FGF14: variants seen among roughly 807,000 people sequenced by gnomAD.
The protein encoded by FGF14 is fibroblast growth factor 14.
In FGF14, 5 loss-of-function variants were observed where a neutral mutation model predicts 25.5. The ratio of observed to expected loss-of-function variants is 0.20; its 90% CI spans 0.10 to 0.41. The LOEUF is 0.41. Ranked by LOEUF, FGF14 falls within the 10% of genes least tolerant of loss-of-function variation. The pLI, the probability that FGF14 is intolerant of heterozygous loss-of-function variation, is 1.00. For synonymous variants in FGF14, 138 were observed against 118.3 expected (o/e 1.17, Z -1.08); for missense variants, 222 against 320.1 (o/e 0.69, Z 2.34).
At chr13:102,148,181 TTA>T (rs1180670921) in intron 1 of FGF14, among the ~76,000 whole-genome samples, 1 of 151,478 alleles carries the variant, frequency 6.6e-6, no homozygotes, top group Non-Finnish European at 1.5e-5. Flanking sequence ...CTCTAAAATC[TTA>T]TCTTATATTT....
chr13:102,154,643 C>A (rs2047240413), intron 1 of FGF14, among the ~76,000 whole-genome samples: 1 of 152,072 alleles, frequency 6.6e-6, no homozygotes, highest in Non-Finnish European at 1.5e-5. Context: ...ATCATAATGA[C>A]AGGATCAAAT....
rs373348297 is a variant in FGF14 at position 101,938,065 on chromosome 13, G to A, written c.209-62769C>T. Among the ~76,000 whole-genome samples, 13 of 152,194 alleles carry A rather than the reference G, an allele frequency of 8.5e-5. No homozygotes were observed. The East Asian group carries it at 1.5e-3, about 18-fold the overall frequency. ...ATAGACAAGCAATGGCTTTATACTGGCTTCCAGACAGGGCACCACAGAGGC... is the reference window on the plus strand; with the variant it reads ...ATAGACAAGCAATGGCTTTATACTGACTTCCAGACAGGGCACCACAGAGGC... On this transcript the variant is annotated intron_variant, in intron 1 of 4. Transcript: ENST00000376131.
intron 3 of FGF14, among the ~76,000 whole-genome samples, chr13:101,780,122 A>C (rs978083138): frequency 2.0e-5 from 3 of 152,208 alleles, no homozygotes; most frequent in African/African-American, 7.2e-5. Context: ...GAAAGGATAC[A>C]CTGGTGGTGG....
intron 1 of FGF14, among the ~76,000 whole-genome samples, chr13:102,315,379 T>C (rs2055972439): frequency 6.6e-6 from 1 of 152,048 alleles, no homozygotes; most frequent in Non-Finnish European, 1.5e-5. Context: ...AAGCCCTACC[T>C]CAAGTTCAAA....
At chr13:102,233,762 G>A (rs866335446) in intron 1 of FGF14, among the ~76,000 whole-genome samples, 7 of 152,070 alleles carry the variant, frequency 4.6e-5, no homozygotes, top group African/African-American at 1.7e-4. Context: ...TACTCTTGTC[G>A]ACACACAACC....
At chr13:102,326,933 C>A (rs756539473) in intron 1 of FGF14, among the ~76,000 whole-genome samples, 5 of 152,130 alleles carry the variant, frequency 3.3e-5, no homozygotes, top group Admixed American at 1.3e-4. Flanking sequence ...TTATTCCCCA[C>A]GGAAACTGAA....
chr13:102,372,860 T>A (rs905314106), intron 1 of FGF14, among the ~76,000 whole-genome samples: 1 of 152,184 alleles, frequency 6.6e-6, no homozygotes, highest in Non-Finnish European at 1.5e-5. Context: ...AAGCTTTATA[T>A]GCATTACTAC....
chr13:101,726,473 G>T, intron 4 of FGF14, 139 bp downstream of exon 4: 4 of 794,076 alleles, frequency 5.0e-6, no homozygotes, highest in Non-Finnish European at 8.3e-6. Context: ...GTAGGCACCT[G>T]TGCAACCATC....
chr13:102,216,923 C>G (rs6491670), intron 1 of FGF14, among the ~76,000 whole-genome samples: 48,990 of 152,014 alleles, frequency 0.32, 8,320 homozygotes, highest in Middle Eastern at 0.39. Flanking sequence ...TTTCCTAAAC[C>G]TGGCTGATTT....
intron 1 of FGF14, among the ~76,000 whole-genome samples, chr13:102,361,542 A>G (rs997685018): frequency 6.7e-6 from 1 of 149,122 alleles, no homozygotes; most frequent in Non-Finnish European, 1.5e-5. Flanking sequence ...AGGAATTTGT[A>G]ACAGAATCCA....
chr13:102,180,510 A>G (rs915750814), intron 1 of FGF14, among the ~76,000 whole-genome samples: 1 of 151,950 alleles, frequency 6.6e-6, no homozygotes, highest in African/African-American at 2.4e-5. Context: ...ATGGGGTTTC[A>G]CCATGTTGGC....
intron 1 of FGF14, among the ~76,000 whole-genome samples, chr13:102,169,733 T>C (rs2048169895): frequency 1.3e-5 from 2 of 152,152 alleles, no homozygotes; most frequent in Admixed American, 6.6e-5. Context: ...TTGGATAACC[T>C]TTATTCCAAT....
At chr13:101,912,432 G>T (rs534263824) in intron 1 of FGF14, among the ~76,000 whole-genome samples, 1 of 152,246 alleles carries the variant, frequency 6.6e-6, no homozygotes, top group African/African-American at 2.4e-5. Flanking sequence ...TATGGTTCTT[G>T]TTTGATTGAA....
At chr13:101,739,111 G>GTATATA (rs3064690) in intron 3 of FGF14, among the ~76,000 whole-genome samples, 6 of 137,962 alleles carry the variant, frequency 4.3e-5, no homozygotes, top group Non-Finnish European at 6.2e-5. Context: ...ATATATACAT[G>GTATATA]TATATATATA....
At chr13:101,992,112 G>C (rs2038941392) in intron 1 of FGF14, among the ~76,000 whole-genome samples, 1 of 152,120 alleles carries the variant, frequency 6.6e-6, no homozygotes, top group Admixed American at 6.6e-5. Context: ...TAAGCCTACA[G>C]ATGCTTTCAC....
intron 1 of FGF14, among the ~76,000 whole-genome samples, chr13:102,035,956 T>C (rs992186397): frequency 6.6e-6 from 1 of 152,068 alleles, no homozygotes; most frequent in Non-Finnish European, 1.5e-5. Context: ...GGAAGATCAA[T>C]GTAAGGGAAA....
At chr13:101,875,368 CTTTCTT>C in intron 1 of FGF14, 72 bp from the exon 2 acceptor site, 1 of 1,079,754 alleles carries the variant, frequency 9.3e-7, no homozygotes, top group East Asian at 2.4e-5. Flanking sequence ...TTCTGTTTCT[CTTTCTT>C]TTTTCAGAAG....
chr13:102,190,267 GACATA>G (rs1255987036), intron 1 of FGF14, among the ~76,000 whole-genome samples: 1 of 152,096 alleles, frequency 6.6e-6, no homozygotes, highest in African/African-American at 2.4e-5. Flanking sequence ...TACGCTTTAG[GACATA>G]AGTTTTGTTT....
intron 1 of FGF14, among the ~76,000 whole-genome samples, chr13:102,080,264 G>A (rs1021049097): frequency 1.3e-5 from 2 of 152,192 alleles, no homozygotes; most frequent in Non-Finnish European, 1.5e-5. Flanking sequence ...ACTTGGGCTG[G>A]AGTTATGCAG....
Sources: allele counts gnomAD v4.1 joint callset (sites outside exome capture counted in the v4.1 genomes callset), GRCh38; gene constraint gnomAD v4.1.1; transcripts MANE v1.5; gene names NCBI Gene and HGNC (gene_info 2026-07-23, HGNC 2026-07-21).